The following MEI4 variants were observed in gnomAD, a reference collection of about 807,000 sequenced individuals.
MEI4 encodes the protein meiosis-specific protein MEI4.
MEI4 carries 27 observed loss-of-function variants against 31.4 expected under a neutral mutation model. The observed-to-expected ratio is 0.86, with a 90% CI of 0.63 to 1.19. The LOEUF (loss-of-function observed/expected upper bound fraction) is 1.19. Ranked by LOEUF, MEI4 falls within the 50% of genes most tolerant of loss-of-function variation. The probability of loss-of-function intolerance (pLI) is 0.00; values close to 1 mark genes in which losing one functional copy is unlikely to be tolerated. For missense variants in MEI4, 329 were observed against 398.9 expected, an observed-to-expected ratio of 0.82 and a Z score of 1.49; for synonymous variants, 122 against 145.4, an observed-to-expected ratio of 0.84 and a Z score of 1.16.
chr6:77,697,723 C>G (rs1766088632), intron 2 of MEI4, among the ~76,000 whole-genome samples: 1 of 151,978 alleles, frequency 6.6e-6, no homozygotes, highest in Non-Finnish European at 1.5e-5. Context: ...TGGTGTGGTG[C>G]TGAAAAAAGT....
At chr6:77,684,258 G>A (rs1326996575) in intron 1 of MEI4, among the ~76,000 whole-genome samples, 3 of 150,906 alleles carry the variant, frequency 2.0e-5, no homozygotes, top group Non-Finnish European at 4.4e-5. Context: ...TAAAAATTTT[G>A]TGGGTACATA....
intron 3 of MEI4, among the ~76,000 whole-genome samples, chr6:77,817,429 GTTTAAACT>G (rs1360487020): frequency 2.0e-5 from 3 of 152,040 alleles, no homozygotes; most frequent in Non-Finnish European, 4.4e-5. Context: ...AGATCTTTAT[GTTTAAACT>G]TTTGCTGACC....
chr6:77,704,526 C>A (rs924644252), intron 2 of MEI4, among the ~76,000 whole-genome samples: 1 of 152,134 alleles, frequency 6.6e-6, no homozygotes, highest in African/African-American at 2.4e-5. Flanking sequence ...AGTGAATTCC[C>A]CACAAGCTGC....
intron 2 of MEI4, among the ~76,000 whole-genome samples, chr6:77,736,058 A>T (rs944406228): frequency 6.6e-6 from 1 of 152,042 alleles, no homozygotes; most frequent in South Asian, 2.1e-4. Context: ...GGGACTTTTA[A>T]GTCTGCAGAG....
chr6:77,742,582 T>G (rs1043213596), intron 2 of MEI4, among the ~76,000 whole-genome samples: 2 of 152,202 alleles, frequency 1.3e-5, no homozygotes, highest in Admixed American at 6.5e-5. Context: ...GCCTATTCAC[T>G]CTGACGTAGT....
Position 77,690,401 on chromosome 6 carries a change from T to C in MEI4, c.-14-257T>C, listed in dbSNP as rs372947766. On this transcript the variant is annotated intron_variant, in intron 1 of 4. Coordinates refer to ENST00000684080, the MANE Select transcript of MEI4 (RefSeq NM_001322247.2). The stretch of plus-strand genomic sequence containing the variant: ...ACTAAATGAATTAATATGTGTTTTT[T>C]CCATCCCAAGAAGTTGTCAAATTGT... 1.2e-4 allele frequency among the ~76,000 whole-genome samples: 19 copies of C among 152,142 alleles called. No individual in the cohort carries two copies. The South Asian group carries it at 1.5e-3, about 12-fold the overall frequency.
intron 3 of MEI4, among the ~76,000 whole-genome samples, chr6:77,776,815 A>G (rs1202728570): frequency 6.6e-6 from 1 of 152,158 alleles, no homozygotes; most frequent in African/African-American, 2.4e-5. Flanking sequence ...TAGCTAGGTC[A>G]TGGCAAGGAG....
chr6:77,911,475 T>C (rs1032115750), intron 4 of MEI4, among the ~76,000 whole-genome samples: 10 of 151,864 alleles, frequency 6.6e-5, no homozygotes, highest in Admixed American at 4.6e-4. Flanking sequence ...CTACCTGCTA[T>C]AGTAGTCCCT....
chr6:77,908,996 A>G (rs1230523358), intron 4 of MEI4, among the ~76,000 whole-genome samples: 1 of 152,142 alleles, frequency 6.6e-6, no homozygotes, highest in Non-Finnish European at 1.5e-5. Context: ...CTCTGCACCA[A>G]GCAGACCTAA....
chr6:77,774,858 G>T lies in MEI4; in HGVS notation c.768+13193G>T, dbSNP rs141394045. ...TGCTGTAACAAATTACCACAAACTA[G>T]TGCCTTAAAACAACAGAAATATATT... On this transcript the variant is annotated intron_variant, in intron 3 of 4. Transcript: ENST00000684080. Among the ~76,000 whole-genome samples, 213 of 152,054 alleles carry T rather than the reference G, an allele frequency of 1.4e-3. 1 individual carries two copies. The highest frequency in any genetic ancestry group is 4.5e-3 in the African/African-American group (187 of 41,486).
At chr6:77,741,243 G>C (rs558568814) in intron 2 of MEI4, among the ~76,000 whole-genome samples, 1 of 152,202 alleles carries the variant, frequency 6.6e-6, no homozygotes, top group Non-Finnish European at 1.5e-5. Context: ...GGAGAAGGAC[G>C]AAGGGGCCAC....
intron 3 of MEI4, among the ~76,000 whole-genome samples, chr6:77,813,641 G>A (rs1769625343): frequency 6.6e-6 from 1 of 151,912 alleles, no homozygotes; most frequent in African/African-American, 2.4e-5. Context: ...GGTGATGAAG[G>A]TAACCTTTGT....
chr6:77,660,557 G>C (rs1053939786), intron 1 of MEI4, among the ~76,000 whole-genome samples: 5 of 151,740 alleles, frequency 3.3e-5, no homozygotes, highest in African/African-American at 4.8e-5. Flanking sequence ...AGTTTTTTTT[G>C]GGGGGGCTTG....
rs1436925564 is a variant in MEI4 at position 77,842,453 on chromosome 6, T to TTATGCTTATA, written c.900+13392_900+13393insATGCTTATAT. On this transcript the variant is annotated intron_variant, in intron 4 of 4. Coordinates refer to ENST00000684080, the MANE Select transcript of MEI4 (RefSeq NM_001322247.2). Reference sequence around the variant, plus strand: ...TTTATGCTTGTCATTGAAGGGAGGTTTTAAATCAATAATATAAGAAACTAG... The same window carrying TTATGCTTATA: ...TTTATGCTTGTCATTGAAGGGAGGTTTATGCTTATATTAAATCAATAATATAAGAAACTAG... Among the ~76,000 whole-genome samples the TTATGCTTATA allele has an allele frequency of 5.2e-3, 786 of 152,194 alleles. 7 individuals are homozygous for TTATGCTTATA. Among genetic ancestry groups the TTATGCTTATA allele is most frequent in the African/African-American group, 0.018 (768 of 41,546 alleles).
intron 4 of MEI4, among the ~76,000 whole-genome samples, chr6:77,903,920 C>T (rs995865582): frequency 6.6e-6 from 1 of 152,076 alleles, no homozygotes; most frequent in Non-Finnish European, 1.5e-5. Flanking sequence ...TTCTATCCCT[C>T]CACTTTCAGT....
chr6:77,726,625 G>C (rs1029643715), intron 2 of MEI4, among the ~76,000 whole-genome samples: 1 of 152,120 alleles, frequency 6.6e-6, no homozygotes, highest in Admixed American at 6.5e-5. Flanking sequence ...AAACAGAGGG[G>C]AGACATTAAA....
chr6:77,741,463 G>T (rs1324657595), intron 2 of MEI4, among the ~76,000 whole-genome samples: 1 of 152,098 alleles, frequency 6.6e-6, no homozygotes, highest in African/African-American at 2.4e-5. Flanking sequence ...GTGGTAATCA[G>T]TTCAAGAGAT....
intron 2 of MEI4, among the ~76,000 whole-genome samples, chr6:77,733,623 T>C (rs1767083684): frequency 6.6e-6 from 1 of 151,914 alleles, no homozygotes; most frequent in Non-Finnish European, 1.5e-5. Context: ...GTGCCTCTAT[T>C]TCCTTCAGTT....
At chr6:77,746,144 G>A (rs28835021) in intron 2 of MEI4, among the ~76,000 whole-genome samples, 20,959 of 152,042 alleles carry the variant, frequency 0.14, 1,528 homozygotes, top group Middle Eastern at 0.21. Flanking sequence ...AGGAAATAGA[G>A]ACACAAAAAA....
Sources: allele counts gnomAD v4.1 joint callset (sites outside exome capture counted in the v4.1 genomes callset), GRCh38; gene constraint gnomAD v4.1.1; transcripts MANE v1.5; gene names NCBI Gene and HGNC (gene_info 2026-07-23, HGNC 2026-07-21).